The following MYC variants were observed in gnomAD, a reference collection of about 807,000 sequenced individuals.
The protein encoded by MYC is myc proto-oncogene protein.
Under a neutral mutation model 30.5 loss-of-function variants are expected in MYC, and 1 was observed. That is an observed-to-expected ratio of 0.03 (90% confidence interval 0.01 to 0.16). The LOEUF is 0.16. Among genes scored for constraint, MYC ranks in the 10% least tolerant of loss-of-function variants. The pLI, the probability that MYC is intolerant of heterozygous loss-of-function variation, is 1.00. For synonymous variants in MYC, 267 were observed against 250.7 expected (o/e 1.07, Z -0.62); for missense variants, 508 against 589.0 (o/e 0.86, Z 1.42).
In MYC at chr8:127,742,876, T is replaced by G. The variant is rs1740141576; in HGVS notation, c.*1918T>G. Among the ~76,000 whole-genome samples the G allele has an allele frequency of 6.6e-6, 1 of 152,220 alleles. No homozygotes were observed. The highest frequency in any genetic ancestry group is 6.5e-5 in the Admixed American group (1 of 15,284). On this transcript the variant is annotated 3_prime_UTR_variant, in exon 3 of 3. Transcript: ENST00000621592. ...TTACCTCATTGTCTCAGTCTCAAAG[T>G]AGGTCTTCAGCTCCCTGTACTTTGG...
chr8:127,742,892 T>C lies in MYC; in HGVS notation c.*1934T>C, dbSNP rs930426921. On this transcript the variant is annotated 3_prime_UTR_variant, in exon 3 of 3. Transcript: ENST00000621592. ...GTCTCAAAGTAGGTCTTCAGCTCCC[T>C]GTACTTTGGGATTTTAATCTACCAC... 7.2e-5 allele frequency among the ~76,000 whole-genome samples: 11 copies of C among 152,244 alleles called. No individual in the cohort carries two copies. Among genetic ancestry groups the C allele is most frequent in the Admixed American group, 5.2e-4 (8 of 15,288 alleles).
chr8:127,736,637 T>C lies in MYC; in HGVS notation c.30+14T>C. 6.2e-7 allele frequency: 1 copy of C among 1,613,702 alleles called. No individual in the cohort carries two copies. The highest frequency in any genetic ancestry group is 8.5e-7 in the Non-Finnish European group (1 of 1,179,606). On this transcript the variant is annotated intron_variant, in intron 1 of 2. Coordinates refer to ENST00000621592, the MANE Select transcript of MYC (RefSeq NM_002467.6). Reference sequence around the variant, plus strand: ...GTGGAAAACCAGGTAAGCACCGAAGTCCACTTGCCTTTTAATTTATTTTTT... The same window carrying C: ...GTGGAAAACCAGGTAAGCACCGAAGCCCACTTGCCTTTTAATTTATTTTTT...
chr8:127,739,485 A>AGG (rs142705062), intron 2 of MYC, among the ~76,000 whole-genome samples: 1 of 152,186 alleles, frequency 6.6e-6, no homozygotes, highest in Non-Finnish European at 1.5e-5. Flanking sequence ...GAGGCTAGGC[A>AGG]GGGCCTGCCT....
At position 127,741,004 on chromosome 8, in the gene MYC, A is replaced by G. The variant is rs200570465; in HGVS notation, c.*46A>G. 1.3e-6 allele frequency: 2 copies of G among 1,495,886 alleles called. No individual in the cohort carries two copies. Among genetic ancestry groups the G allele is most frequent in the Non-Finnish European group, 1.8e-6 (2 of 1,123,656 alleles). 92.7% of individuals were successfully genotyped at this position (1,495,886 alleles called of 1,614,324 possible). A position where few individuals can be genotyped will look rare whatever the true frequency, so the allele number is the denominator to read the frequency against. On this transcript the variant is annotated 3_prime_UTR_variant, in exon 3 of 3. Transcript: ENST00000621592. ...TCCTTCTAACAGAAATGTCCTGAGC[A>G]ATCACCTATGAACTTGTTTCAAATG...
At chr8:127,740,160 T>C (rs767385348) in intron 2 of MYC, among the ~76,000 whole-genome samples, 3 of 152,146 alleles carry the variant, frequency 2.0e-5, no homozygotes, top group Non-Finnish European at 4.4e-5. Context: ...GGTTTCATCG[T>C]GTTGGCCAGG....
chr8:127,736,970 G>T (rs1007422143), intron 1 of MYC, among the ~76,000 whole-genome samples: 1 of 152,254 alleles, frequency 6.6e-6, no homozygotes, highest in Non-Finnish European at 1.5e-5. Flanking sequence ...GGGGCTGGGG[G>T]TTGCTTTGCG....
At chr8:127,736,160 A>C (rs576158247), upstream of MYC, 38 of 457,146 alleles carry the variant, frequency 8.3e-5, no homozygotes, top group South Asian at 2.3e-3. Context: ...GGCTTCTCAG[A>C]GGCTTGGCGG....
intron 2 of MYC, 103 bp downstream of exon 2, chr8:127,739,122 A>G (rs1203038230): frequency 7.9e-7 from 1 of 1,260,944 alleles, no homozygotes; most frequent in Non-Finnish European, 1.1e-6. Flanking sequence ...GGAAGGAGAG[A>G]TAGCAGATCT....
Position 127,736,551 on chromosome 8 carries a change from G to C in MYC, c.-43G>C. On this transcript the variant is annotated 5_prime_UTR_variant, in exon 1 of 3. Transcript: ENST00000621592. ...TGGGGACACTTCCCCGCCGCTGCCA[G>C]GACCCGCTTCTCTGAAAGGCTCTCC... 1.2e-6 allele frequency: 2 copies of C among 1,612,986 alleles called. No homozygotes were observed. Among genetic ancestry groups the C allele is most frequent in the Non-Finnish European group, 8.5e-7 (1 of 1,179,484 alleles).
chr8:127,740,600 C>T lies in MYC; in HGVS notation c.1007C>T (p.Ala336Val), dbSNP rs2130104189. Residue 336 changes from alanine (A) to valine (V), a missense_variant, in exon 3 of 3, where the codon GCT (alanine) becomes GTT (valine). Ala to Val is a moderately conservative substitution (Grantham distance 64, BLOSUM62 0). Coordinates refer to ENST00000621592, the MANE Select transcript of MYC (RefSeq NM_002467.6). Reference sequence around the variant, plus strand: ...CCCTCCACTCGGAAGGACTATCCTGCTGCCAAGAGGGTCAAGTTGGACAGT... The same window carrying T: ...CCCTCCACTCGGAAGGACTATCCTGTTGCCAAGAGGGTCAAGTTGGACAGT... 1.2e-6 allele frequency: 2 copies of T among 1,614,046 alleles called. No homozygotes were observed. Among genetic ancestry groups the T allele is most frequent in the Non-Finnish European group, 1.7e-6 (2 of 1,180,006 alleles).
At chr8:127,735,766 T>C (rs1813572477), upstream of MYC, 2 of 399,004 alleles carry the variant, frequency 5.0e-6, no homozygotes, top group Non-Finnish European at 4.4e-6. Flanking sequence ...AGGATGCGGT[T>C]TGTCAAACAG....
Position 127,736,482 on chromosome 8 carries a change from C to A in MYC, c.-112C>A. The A allele has an allele frequency of 8.1e-7, 1 of 1,229,792 alleles. No individual in the cohort carries two copies. Among genetic ancestry groups the A allele is most frequent in the Non-Finnish European group, 1.2e-6 (1 of 855,518 alleles). 76.2% of individuals were successfully genotyped at this position (1,229,792 alleles called of 1,614,324 possible). ...TGCACTGGAACTTACAACACCCGAG[C>A]AAGGACGCGACTCTCCCGACGCGGG... On this transcript the variant is annotated 5_prime_UTR_variant, in exon 1 of 3. Transcript: ENST00000621592.
Position 127,740,749 on chromosome 8 carries a change from A to C in MYC, c.1156A>C (p.Lys386Gln), listed in dbSNP as rs2130106330. ...GGAGCGCCAGAGGAGGAACGAGCTA[A>C]AACGGAGCTTTTTTGCCCTGCGTGA... Residue 386 changes from lysine (K) to glutamine (Q), a missense_variant, in exon 3 of 3, where the codon AAA becomes CAA. Lys to Gln is a moderately conservative substitution (Grantham distance 53, BLOSUM62 1). This residue lies in a region of MYC where 40 missense variants were observed against 78.4 expected (regional missense o/e 0.51). Coordinates refer to ENST00000621592, the MANE Select transcript of MYC (RefSeq NM_002467.6). 6.2e-7 allele frequency: 1 copy of C among 1,614,106 alleles called. No individual in the cohort carries two copies. Among genetic ancestry groups the C allele is most frequent in the Non-Finnish European group, 8.5e-7 (1 of 1,180,038 alleles).
At position 127,738,947 on chromosome 8, in the gene MYC, T is replaced by C. The variant is rs1813659812; in HGVS notation, c.730T>C (p.Ser244Pro). ...GGATTCTCTGCTCTCCTCGACGGAG[T>C]CCTCCCCGCAGGGCAGCCCCGAGCC... The change falls in exon 2 of 3, where the codon TCC (serine) becomes CCC (proline). Residue 244 changes from serine to proline, a missense_variant. Physicochemically the swap from Ser to Pro is moderately conservative, Grantham distance 74. Coordinates refer to ENST00000621592, the MANE Select transcript of MYC (RefSeq NM_002467.6). The surrounding 1 kb of genome is among the most constrained non-coding windows in gnomAD (Gnocchi z 7.6). 6.3e-7 allele frequency: 1 copy of C among 1,596,538 alleles called. No individual in the cohort carries two copies. Among genetic ancestry groups the C allele is most frequent in the Admixed American group, 1.7e-5 (1 of 58,786 alleles).
At chr8:127,735,931 T>TTGCC, upstream of MYC, 1 of 386,800 alleles carries the variant, frequency 2.6e-6, no homozygotes, top group Non-Finnish European at 4.5e-6. Context: ...CTCCCCACCT[T>TTGCC]CCCCACCCTC....
chr8:127,739,026 G>T lies in MYC; in HGVS notation c.802+7G>T. The T allele has an allele frequency of 6.7e-7, 1 of 1,497,908 alleles. No individual in the cohort carries two copies. The allele number at this position is 1,497,908 out of a possible 1,614,324, so 92.8% of individuals were successfully genotyped here. On this transcript the variant is annotated splice_region_variant and intron_variant, in intron 2 of 2. Transcript: ENST00000621592. Reference sequence around the variant, plus strand: ...ACCACCAGCAGCGACTCTGGTAAGCGAAGCCCGCCCAGGCCTGTCAAAAGT... The same window carrying T: ...ACCACCAGCAGCGACTCTGGTAAGCTAAGCCCGCCCAGGCCTGTCAAAAGT...
rs2130096561 is a variant in MYC at position 127,738,795 on chromosome 8, T to C, written c.578T>C (p.Leu193Pro). The C allele has an allele frequency of 6.2e-7, 1 of 1,609,438 alleles. No homozygotes were observed. The highest frequency in any genetic ancestry group is 8.5e-7 in the Non-Finnish European group (1 of 1,177,468). ...GTCTGCTCCACCTCCAGCTTGTACC[T>C]GCAGGATCTGAGCGCCGCCGCCTCA... Residue 193 changes from leucine to proline, a missense_variant, in exon 2 of 3, where the codon CTG (leucine) becomes CCG (proline). By Grantham distance (98) the Leu-to-Pro change is moderately conservative. This residue lies in a region of MYC where 364 missense variants were observed against 381.1 expected (regional missense o/e 0.96). Coordinates refer to ENST00000621592, the MANE Select transcript of MYC (RefSeq NM_002467.6). This position sits in a 1 kb window ranked among gnomAD's most constrained non-coding sequence, Gnocchi z 7.6.
rs1028803920 is a variant in MYC at position 127,741,054 on chromosome 8, C to G, written c.*96C>G. 1 of 1,182,652 alleles carries G rather than the reference C, an allele frequency of 8.5e-7. No homozygotes were observed. Among genetic ancestry groups the G allele is most frequent in the Non-Finnish European group, 1.1e-6 (1 of 878,444 alleles). 73.3% of individuals were successfully genotyped at this position (1,182,652 alleles called of 1,614,324 possible). Reference sequence around the variant, plus strand: ...GCATGATCAAATGCAACCTCACAACCTTGGCTGAGTCTTGAGACTGAAAGA... The same window carrying G: ...GCATGATCAAATGCAACCTCACAACGTTGGCTGAGTCTTGAGACTGAAAGA... On this transcript the variant is annotated 3_prime_UTR_variant, in exon 3 of 3. Transcript: ENST00000621592.
upstream of MYC, chr8:127,735,487 T>C: frequency 2.5e-6 from 1 of 399,454 alleles, no homozygotes. Context: ...GTTGCTGGGT[T>C]ATTTTAATCA....
Sources: gnomAD v4.1 joint callset for allele counts (sites outside exome capture counted in the v4.1 genomes callset) on GRCh38, gnomAD v4.1.1 for gene constraint, gnomAD v4.1.1 regional missense constraint, Gnocchi (gnomAD v3.1) non-coding constraint, MANE v1.5 for transcripts, NCBI Gene and HGNC (gene_info 2026-07-23, HGNC 2026-07-21) for gene names.